The following PKIG variants were observed in gnomAD, a reference collection of about 807,000 sequenced individuals.
The protein encoded by PKIG is cAMP-dependent protein kinase inhibitor gamma.
PKIG carries 1 observed loss-of-function variant against 6.8 expected under a neutral mutation model. The ratio of observed to expected loss-of-function variants is 0.15; its 90% CI spans 0.05 to 0.69. The LOEUF is 0.69. PKIG is among the 30% of genes least tolerant of loss of function. The pLI is 0.82. For synonymous variants in PKIG, 39 were observed against 43.0 expected (o/e 0.91, Z 0.36); for missense variants, 77 against 104.0 (o/e 0.74, Z 1.13).
intron 1 of PKIG, among the ~76,000 whole-genome samples, chr20:44,546,271 G>A (rs1026007412): frequency 1.3e-5 from 2 of 152,088 alleles, no homozygotes; most frequent in Non-Finnish European, 2.9e-5. Flanking sequence ...GGAGAGGAGA[G>A]AGGAGAGGAG....
chr20:44,547,715 A>G (rs1336239723), intron 1 of PKIG, among the ~76,000 whole-genome samples: 1 of 152,170 alleles, frequency 6.6e-6, no homozygotes, highest in Non-Finnish European at 1.5e-5. Flanking sequence ...CTTCGTCGGA[A>G]AAAATGGGAA....
At chr20:44,542,652 T>C (rs185419280) in intron 1 of PKIG, among the ~76,000 whole-genome samples, 10 of 152,220 alleles carry the variant, frequency 6.6e-5, no homozygotes, top group South Asian at 2.1e-4. Flanking sequence ...AGTGGCGTAA[T>C]CTTGGCTCAC....
Position 44,618,794 on chromosome 20 carries a change from T to A in PKIG, c.*430T>A, listed in dbSNP as rs1347522527. ...CTTGTCCCTTTTTTAGAAAACACTTTTAAACTTTTTAAAAATTTTAAACCT... is the reference window on the plus strand; with the variant it reads ...CTTGTCCCTTTTTTAGAAAACACTTATAAACTTTTTAAAAATTTTAAACCT... On this transcript the variant is annotated 3_prime_UTR_variant, in exon 4 of 4. Transcript: ENST00000372886. The A allele has an allele frequency of 1.3e-5, 2 of 159,742 alleles. No homozygotes were observed. Among genetic ancestry groups the A allele is most frequent in the Non-Finnish European group, 2.8e-5 (2 of 72,112 alleles). 9.9% of individuals were successfully genotyped at this position (159,742 alleles called of 1,614,324 possible).
intron 1 of PKIG, among the ~76,000 whole-genome samples, chr20:44,549,732 C>T (rs1328016769): frequency 1.3e-5 from 2 of 152,098 alleles, no homozygotes; most frequent in South Asian, 4.2e-4. Flanking sequence ...GGCTGAGGTG[C>T]GAAGATGGCT....
chr20:44,552,724 G>C (rs1399375581), intron 1 of PKIG, among the ~76,000 whole-genome samples: 2 of 152,170 alleles, frequency 1.3e-5, no homozygotes, highest in Admixed American at 1.3e-4. Flanking sequence ...ATTGTATGAA[G>C]CCTAGCAGAG....
At chr20:44,599,285 C>G (rs187291878) in intron 2 of PKIG, among the ~76,000 whole-genome samples, 113 of 152,336 alleles carry the variant, frequency 7.4e-4, no homozygotes, top group East Asian at 5.8e-4. Flanking sequence ...ATAGCACAGG[C>G]TCCATCTGGC....
At chr20:44,570,091 A>G (rs2064842213) in intron 1 of PKIG, among the ~76,000 whole-genome samples, 1 of 152,172 alleles carries the variant, frequency 6.6e-6, no homozygotes, top group African/African-American at 2.4e-5. Flanking sequence ...TGATGATATC[A>G]CTGCACTCCT....
intron 2 of PKIG, among the ~76,000 whole-genome samples, chr20:44,601,655 C>A (rs1363844582): frequency 2.0e-5 from 3 of 152,188 alleles, no homozygotes; most frequent in Non-Finnish European, 2.9e-5. Context: ...CCTTAGAGAG[C>A]ATTTTGCCCA....
chr20:44,540,270 C>T (rs1568801826), intron 1 of PKIG, among the ~76,000 whole-genome samples: 1 of 152,002 alleles, frequency 6.6e-6, no homozygotes, highest in Non-Finnish European at 1.5e-5. Context: ...CCAGTTTTTC[C>T]AATATTTAAA....
At chr20:44,597,866 C>T (rs2065088185) in intron 2 of PKIG, among the ~76,000 whole-genome samples, 1 of 152,212 alleles carries the variant, frequency 6.6e-6, no homozygotes, top group Non-Finnish European at 1.5e-5. Flanking sequence ...AGACTCTTAC[C>T]TCCCTTACCC....
intron 1 of PKIG, among the ~76,000 whole-genome samples, chr20:44,561,638 G>A (rs566207247): frequency 1.3e-5 from 2 of 152,180 alleles, no homozygotes; most frequent in African/African-American, 4.8e-5. Context: ...GTTTTTTCTT[G>A]CTGCAGTGTC....
chr20:44,611,145 C>T (rs1172539185), intron 2 of PKIG, among the ~76,000 whole-genome samples: 1 of 151,190 alleles, frequency 6.6e-6, no homozygotes, highest in Non-Finnish European at 1.5e-5. Flanking sequence ...GTCTCCGCCT[C>T]ATGGGTTCAA....
intron 1 of PKIG, among the ~76,000 whole-genome samples, chr20:44,585,836 T>C (rs2064985776): frequency 6.6e-6 from 1 of 152,236 alleles, no homozygotes; most frequent in African/African-American, 2.4e-5. Flanking sequence ...CAGCCCTGCA[T>C]CTGGTTGGTG....
rs957062638 is a variant in PKIG at position 44,539,148 on chromosome 20, C to T, written c.-241+7170C>T. On this transcript the variant is annotated intron_variant, in intron 1 of 4. Coordinates refer to the PKIG transcript ENST00000372887. ...TTCACTATTTTGGCCGGGCTGGTCT[C>T]GAACTCCTGACCTCAGGTGATCTGC... Among the ~76,000 whole-genome samples, 86 of 152,088 alleles carry T rather than the reference C, an allele frequency of 5.7e-4. 1 individual carries two copies. The highest frequency in any genetic ancestry group is 2.0e-3 in the African/African-American group (81 of 41,404).
chr20:44,549,049 C>T (rs2064644095), intron 1 of PKIG, among the ~76,000 whole-genome samples: 3 of 152,272 alleles, frequency 2.0e-5, no homozygotes, highest in Middle Eastern at 6.8e-3. Flanking sequence ...AAACCCAGAT[C>T]AGAAAGTCAA....
intron 2 of PKIG, among the ~76,000 whole-genome samples, chr20:44,609,493 A>G (rs939505341): frequency 6.6e-6 from 1 of 152,228 alleles, no homozygotes; most frequent in Non-Finnish European, 1.5e-5. Flanking sequence ...CACAGAGGAC[A>G]GGCGGGCAGC....
At chr20:44,595,012 A>T (rs1223233227) in intron 2 of PKIG, among the ~76,000 whole-genome samples, 1 of 152,130 alleles carries the variant, frequency 6.6e-6, no homozygotes, top group African/African-American at 2.4e-5. Context: ...GTTTGCAGTG[A>T]CTAGGATGCA....
At position 44,618,865 on chromosome 20, in the gene PKIG, T is replaced by G. The variant is rs190445478; in HGVS notation, c.*501T>G. The G allele has an allele frequency of 6.3e-6, 1 of 158,816 alleles. No individual in the cohort carries two copies. The highest frequency in any genetic ancestry group is 2.4e-5 in the African/African-American group (1 of 41,492). The allele number at this position is 158,816 out of a possible 1,614,324, so 9.8% of individuals were successfully genotyped here. A position where few individuals can be genotyped will look rare whatever the true frequency, so the allele number is the denominator to read the frequency against. On this transcript the variant is annotated 3_prime_UTR_variant, in exon 4 of 4. Coordinates refer to ENST00000372886, the MANE Select transcript of PKIG (RefSeq NM_001281445.2). ...GAGCTGACAATCAATTCACATTTTTTAAGCCATTTTAGCTAAACTGTCATT... is the reference window on the plus strand; with the variant it reads ...GAGCTGACAATCAATTCACATTTTTGAAGCCATTTTAGCTAAACTGTCATT...
intron 3 of PKIG, 140 bp from the exon 4 acceptor site, chr20:44,618,145 C>A: frequency 8.8e-6 from 6 of 682,866 alleles, no homozygotes; most frequent in Middle Eastern, 2.6e-4. Context: ...TAGGCCACCA[C>A]CACCTCAGTC....
Sources: allele counts gnomAD v4.1 joint callset (sites outside exome capture counted in the v4.1 genomes callset), GRCh38; gene constraint gnomAD v4.1.1; transcripts MANE v1.5; gene names NCBI Gene and HGNC (gene_info 2026-07-23, HGNC 2026-07-21).